Variants in CFAP161 observed in about 807,000 individuals in gnomAD.
CFAP161 encodes the protein cilia and flagella associated protein 161, also known as cilia- and flagella-associated protein 161.
A neutral mutation model predicts 29.0 loss-of-function variants in CFAP161; 25 were observed. That is an observed-to-expected ratio of 0.86 (90% confidence interval 0.63 to 1.20). The LOEUF (loss-of-function observed/expected upper bound fraction) is 1.20. Among genes scored for constraint, CFAP161 ranks in the 50% most tolerant of loss-of-function variants. CFAP161 has a pLI of 0.00. For synonymous variants in CFAP161, 116 were observed against 137.4 expected (o/e 0.84, Z 1.09); for missense variants, 367 against 371.9 (o/e 0.99, Z 0.11).
upstream of CFAP161, among the ~76,000 whole-genome samples, chr15:81,132,050 G>A (rs1894718509): frequency 6.6e-6 from 1 of 152,166 alleles, no homozygotes; most frequent in Non-Finnish European, 1.5e-5. Context: ...GCTGAGGAGG[G>A]CCGATCACTT....
rs1010639922 is a variant in CFAP161, at chr15:81,136,807, A to G, written c.392+59A>G. The G allele has an allele frequency of 2.1e-6, 3 of 1,453,784 alleles. No individual in the cohort carries two copies. In the African/African-American group the frequency reaches 4.2e-5, roughly 20 times the overall value. 90.1% of individuals were successfully genotyped at this position (1,453,784 alleles called of 1,614,324 possible). The stretch of plus-strand genomic sequence containing the variant: ...CATAAATATGTTTCACTTGTAGCTT[A>G]AAGATTCCTGGGTATTGGAGCCACT... On this transcript the variant is annotated intron_variant, in intron 3 of 6. Coordinates refer to ENST00000286732, the MANE Select transcript of CFAP161 (RefSeq NM_173528.4).
intron 1 of CFAP161, among the ~76,000 whole-genome samples, chr15:81,126,533 CT>C (rs1894643288): frequency 6.6e-6 from 1 of 152,138 alleles, no homozygotes; most frequent in African/African-American, 2.4e-5. Context: ...GTTTATTTTT[CT>C]CTTTTTCTCA....
In CFAP161 at chr15:81,147,846, T is replaced by G. The variant is rs749756049; in HGVS notation, c.637-12T>G. The G allele has an allele frequency of 6.3e-7, 1 of 1,582,762 alleles. No individual in the cohort carries two copies. On this transcript the variant is annotated splice_polypyrimidine_tract_variant and intron_variant, in intron 5 of 6. Transcript: ENST00000286732. ...TTAGAATGCTAATAACACATTTTCT[T>G]TATCTGTTAAGGCAAATGCTAAAAT... is the stretch of plus-strand genomic sequence containing the variant.
intron 4 of CFAP161, among the ~76,000 whole-genome samples, chr15:81,138,941 AT>A (rs1202419799): frequency 3.9e-5 from 6 of 152,200 alleles, no homozygotes; most frequent in African/African-American, 1.4e-4. Flanking sequence ...TTTTTATTGA[AT>A]TAAAAATCCA....
At chr15:81,139,274 G>A (rs1894864478) in intron 4 of CFAP161, among the ~76,000 whole-genome samples, 1 of 151,988 alleles carries the variant, frequency 6.6e-6, no homozygotes, top group African/African-American at 2.4e-5. Context: ...TCCAGCCTGG[G>A]TGACAGAAAG....
At chr15:81,137,843 T>C (rs979714404) in intron 3 of CFAP161, among the ~76,000 whole-genome samples, 1 of 152,200 alleles carries the variant, frequency 6.6e-6, no homozygotes, top group African/African-American at 2.4e-5. Context: ...GTGCTAGCTA[T>C]GGTGCAGGGC....
chr15:81,138,021 A>C, intron 3 of CFAP161, 30 bp from the exon 4 acceptor site: 1 of 1,502,522 alleles, frequency 6.7e-7, no homozygotes. Context: ...GAGAGTTTAC[A>C]TTTACATTAT....
intron 1 of CFAP161, 30 bp downstream of exon 1, chr15:81,134,428 G>A (rs942911131): frequency 3.2e-6 from 5 of 1,562,528 alleles, no homozygotes; most frequent in East Asian, 4.7e-5. Context: ...GCGCAGACCC[G>A]CAGCTCAGGA....
chr15:81,124,789 A>G (rs1049586280), intron 1 of CFAP161, among the ~76,000 whole-genome samples: 2 of 152,026 alleles, frequency 1.3e-5, no homozygotes, highest in African/African-American at 4.8e-5. Context: ...TTTCTAGTTT[A>G]TGTGCATAGA....
intron 2 of CFAP161, among the ~76,000 whole-genome samples, chr15:81,128,132 C>T (rs1268070828): frequency 2.6e-5 from 4 of 152,088 alleles, no homozygotes; most frequent in Non-Finnish European, 5.9e-5. Flanking sequence ...AGAATCTTTT[C>T]GTTATCAGGC....
chr15:81,143,576 T>G (rs1418609906), intron 4 of CFAP161, 86 bp from the exon 5 acceptor site: 1 of 1,418,630 alleles, frequency 7.0e-7, no homozygotes, highest in Non-Finnish European at 9.7e-7. Context: ...TTGAATGTGC[T>G]TGCCGTCCAG....
At chr15:81,132,148 A>C (rs116230629), upstream of CFAP161, among the ~76,000 whole-genome samples, 1,350 of 152,216 alleles carry the variant, frequency 8.9e-3, 24 homozygotes, top group African/African-American at 0.028. Context: ...ATGGTGGCAC[A>C]TGCCTTTAGC....
chr15:81,122,514 G>A (rs12324023), intron 1 of CFAP161, among the ~76,000 whole-genome samples: 20,608 of 147,230 alleles, frequency 0.14, 1,659 homozygotes, highest in African/African-American at 0.21. Context: ...TTTTTTAGAT[G>A]GAATTTCACT....
chr15:81,101,810 C>T (rs1894307179), intron 1 of CFAP161, among the ~76,000 whole-genome samples: 1 of 152,096 alleles, frequency 6.6e-6, no homozygotes, highest in African/African-American at 2.4e-5. Context: ...TTGCTGTTGT[C>T]CTCTGGCAGG....
chr15:81,107,708 A>G lies in CFAP161; in HGVS notation c.-141-19882A>G, dbSNP rs181225817. Among the ~76,000 whole-genome samples the G allele has an allele frequency of 1.5e-3, 228 of 152,312 alleles. 1 individual carries two copies. The highest frequency in any genetic ancestry group is 5.1e-3 in the African/African-American group (211 of 41,562). On this transcript the variant is annotated intron_variant, in intron 1 of 4. Coordinates refer to the CFAP161 transcript ENST00000560091. Reference sequence around the variant, plus strand: ...CCATTGCACTCCAGCCTGGGCAACAAGAGTGAAACTCAGTCTCAAATAAAT... The same window carrying G: ...CCATTGCACTCCAGCCTGGGCAACAGGAGTGAAACTCAGTCTCAAATAAAT...
chr15:81,109,054 A>G (rs551127656), intron 1 of CFAP161, among the ~76,000 whole-genome samples: 2 of 152,314 alleles, frequency 1.3e-5, no homozygotes, highest in African/African-American at 2.4e-5. Context: ...GAGCATTGTC[A>G]CGGTGGAGAA....
chr15:81,144,970 A>G (rs111416432), intron 5 of CFAP161, among the ~76,000 whole-genome samples: 1 of 152,258 alleles, frequency 6.6e-6, no homozygotes, highest in African/African-American at 2.4e-5. Flanking sequence ...CCTGACGGGA[A>G]GGTGGGAGGT....
chr15:81,132,017 C>T (rs1244552439), upstream of CFAP161, among the ~76,000 whole-genome samples: 1 of 152,164 alleles, frequency 6.6e-6, no homozygotes. Context: ...TGGCTTATGC[C>T]TGTAATCCCA....
At chr15:81,145,502 G>T (rs933804392) in intron 5 of CFAP161, among the ~76,000 whole-genome samples, 1 of 152,198 alleles carries the variant, frequency 6.6e-6, no homozygotes, top group Non-Finnish European at 1.5e-5. Context: ...TTGTTGTCAT[G>T]ACTGTTGTTG....
Sources: gnomAD v4.1 joint callset for allele counts (sites outside exome capture counted in the v4.1 genomes callset) on GRCh38, gnomAD v4.1.1 for gene constraint, MANE v1.5 for transcripts, NCBI Gene and HGNC (gene_info 2026-07-23, HGNC 2026-07-21) for gene names.